FIP1L1: variants seen among roughly 807,000 people sequenced by gnomAD.
The protein encoded by FIP1L1 is factor interacting with PAPOLA and CPSF1.
A neutral mutation model predicts 84.6 loss-of-function variants in FIP1L1; 21 were observed. The observed-to-expected ratio is 0.25, with a 90% CI of 0.18 to 0.36. FIP1L1 has a LOEUF of 0.36. Among genes scored for constraint, FIP1L1 ranks in the 10% least tolerant of loss-of-function variants. FIP1L1 has a pLI of 1.00. For missense variants in FIP1L1, 526 were observed against 751.1 expected, an observed-to-expected ratio of 0.70 and a Z score of 3.50; for synonymous variants, 263 against 242.3, an observed-to-expected ratio of 1.09 and a Z score of -0.80.
chr4:53,389,378 C>T (rs1475012010), intron 5 of FIP1L1, among the ~76,000 whole-genome samples: 1 of 151,904 alleles, frequency 6.6e-6, no homozygotes, highest in African/African-American at 2.4e-5. Context: ...CCTTCTTAGC[C>T]TTATTTCTTG....
At chr4:53,389,946 T>TTTTTTA in intron 6 of FIP1L1, 73 bp downstream of exon 6, 1 of 1,182,646 alleles carries the variant, frequency 8.5e-7, no homozygotes, top group Non-Finnish European at 1.2e-6. Context: ...AATAGCTTTT[T>TTTTTTA]TTTTTAGTCG....
intron 11 of FIP1L1, among the ~76,000 whole-genome samples, chr4:53,415,781 A>G (rs973404057): frequency 1.3e-5 from 2 of 152,140 alleles, no homozygotes; most frequent in African/African-American, 4.8e-5. Flanking sequence ...TCCTGTTAGG[A>G]AAGAAGTTAG....
Position 53,405,667 on chromosome 4 carries a change from G to T in FIP1L1, c.815+5828G>T, listed in dbSNP as rs7375646. Among the ~76,000 whole-genome samples the T allele has an allele frequency of 2.2e-5, 3 of 135,034 alleles. No homozygotes were observed. The East Asian group carries it at 6.7e-4, about 30-fold the overall frequency. The allele number at this position is 135,034 out of a possible 152,430, so 88.6% of individuals were successfully genotyped here. A position where few individuals can be genotyped will look rare whatever the true frequency, so the allele number is the denominator to read the frequency against. ...ATGGAATGTTCTTCCATTTGTTTGT[G>T]TCCTCTTTTATTTCCTTGAGCAGTG... On this transcript the variant is annotated intron_variant, in intron 10 of 17. Transcript: ENST00000337488.
chr4:53,449,986 G>A (rs1251329976), intron 15 of FIP1L1, among the ~76,000 whole-genome samples: 1 of 151,832 alleles, frequency 6.6e-6, no homozygotes, highest in African/African-American at 2.4e-5. Context: ...TCTTAATCTT[G>A]TCATAAAATT....
At chr4:53,381,325 G>T (rs1439196957) in intron 3 of FIP1L1, among the ~76,000 whole-genome samples, 1 of 152,138 alleles carries the variant, frequency 6.6e-6, no homozygotes, top group Admixed American at 6.6e-5. Context: ...CTACTGACTG[G>T]CTCATTGCTG....
chr4:53,404,821 T>C (rs1752351223), intron 10 of FIP1L1, among the ~76,000 whole-genome samples: 1 of 152,118 alleles, frequency 6.6e-6, no homozygotes, highest in African/African-American at 2.4e-5. Flanking sequence ...TTTTGAGAAG[T>C]GTCTGTTCAT....
chr4:53,394,882 A>C (rs905886363), intron 9 of FIP1L1, among the ~76,000 whole-genome samples: 1 of 152,024 alleles, frequency 6.6e-6, no homozygotes, highest in Non-Finnish European at 1.5e-5. Flanking sequence ...TTTTTTTAAG[A>C]TATTGTTTGT....
intron 9 of FIP1L1, among the ~76,000 whole-genome samples, chr4:53,396,972 G>A (rs1218981536): frequency 6.6e-6 from 1 of 152,122 alleles, no homozygotes; most frequent in Non-Finnish European, 1.5e-5. Flanking sequence ...GGAGAATTAT[G>A]GAGTATGAAA....
intron 13 of FIP1L1, among the ~76,000 whole-genome samples, chr4:53,429,083 A>G (rs1207947473): frequency 6.6e-6 from 1 of 152,252 alleles, no homozygotes; most frequent in Non-Finnish European, 1.5e-5. Flanking sequence ...AACCAAATCC[A>G]GGGTCTGAAT....
intron 15 of FIP1L1, among the ~76,000 whole-genome samples, chr4:53,451,020 G>A (rs1427027674): frequency 1.3e-5 from 2 of 149,768 alleles, no homozygotes; most frequent in Non-Finnish European, 3.0e-5. Flanking sequence ...GAGTGCAGTA[G>A]CGCCATCTCG....
chr4:53,399,928 G>T (rs1333834867), intron 10 of FIP1L1, 89 bp downstream of exon 10: 2 of 852,348 alleles, frequency 2.3e-6, no homozygotes, highest in South Asian at 2.1e-5. Flanking sequence ...AGCTCTGAAT[G>T]TTTTACCAAA....
chr4:53,404,966 C>G (rs1233056641), intron 10 of FIP1L1, among the ~76,000 whole-genome samples: 17 of 151,704 alleles, frequency 1.1e-4, no homozygotes, highest in Non-Finnish European at 2.4e-4. Context: ...GTTGCCTGTT[C>G]ACTCTGATGG....
At chr4:53,425,527 A>AGAC (rs1763985056) in intron 11 of FIP1L1, among the ~76,000 whole-genome samples, 1 of 152,112 alleles carries the variant, frequency 6.6e-6, no homozygotes, top group African/African-American at 2.4e-5. Flanking sequence ...TAGTGGTCCC[A>AGAC]AAATTTCCAT....
At chr4:53,453,681 G>A (rs900032806) in intron 16 of FIP1L1, among the ~76,000 whole-genome samples, 27 of 152,100 alleles carry the variant, frequency 1.8e-4, no homozygotes, top group African/African-American at 3.4e-4. Flanking sequence ...GTTCCCTAAC[G>A]TAGGAAGTCC....
At chr4:53,442,785 G>C in intron 14 of FIP1L1, 78 bp downstream of exon 14, 1 of 810,258 alleles carries the variant, frequency 1.2e-6, no homozygotes, top group Non-Finnish European at 2.0e-6. Flanking sequence ...AATATTTTCA[G>C]ATATTTAATT....
At chr4:53,378,000 G>A in intron 1 of FIP1L1, 77 bp downstream of exon 1, 2 of 1,279,368 alleles carry the variant, frequency 1.6e-6, no homozygotes, top group Non-Finnish European at 2.1e-6. Flanking sequence ...GGCGTCCCTG[G>A]CCTCTCGCGC....
At chr4:53,450,483 T>C (rs1775926641) in intron 15 of FIP1L1, among the ~76,000 whole-genome samples, 2 of 152,196 alleles carry the variant, frequency 1.3e-5, no homozygotes, top group African/African-American at 4.8e-5. Flanking sequence ...TTATGGGCAG[T>C]ATCCTATGTG....
intron 11 of FIP1L1, among the ~76,000 whole-genome samples, chr4:53,420,479 C>A (rs1761984216): frequency 6.8e-6 from 1 of 147,042 alleles, no homozygotes; most frequent in African/African-American, 2.5e-5. Context: ...AGTGTCGGAT[C>A]TCCTCTTTCA....
chr4:53,407,182 T>C (rs1336962147), intron 10 of FIP1L1, among the ~76,000 whole-genome samples: 1 of 152,222 alleles, frequency 6.6e-6, no homozygotes. Flanking sequence ...CTGCTTTGAA[T>C]GTGTCCCAGA....
Sources: allele counts gnomAD v4.1 joint callset (sites outside exome capture counted in the v4.1 genomes callset), GRCh38; gene constraint gnomAD v4.1.1; transcripts MANE v1.5; gene names NCBI Gene and HGNC (gene_info 2026-07-23, HGNC 2026-07-21).